The following EXOC4 variants were observed in gnomAD, a reference collection of about 807,000 sequenced individuals.
EXOC4 encodes SEC8-like 1.
EXOC4 carries 71 observed loss-of-function variants against 107.2 expected under a neutral mutation model. That is an observed-to-expected ratio of 0.66 (90% CI 0.55 to 0.81). The LOEUF is 0.81. Among genes scored for constraint, EXOC4 ranks in the 30% least tolerant of loss-of-function variants. The probability of loss-of-function intolerance (pLI) is 0.00; values close to 1 mark genes in which losing one functional copy is unlikely to be tolerated. For synonymous variants in EXOC4, 456 were observed against 441.2 expected (o/e 1.03, Z -0.42); for missense variants, 1,108 against 1,189.6 (o/e 0.93, Z 1.01).
intron 4 of EXOC4, among the ~76,000 whole-genome samples, 156 bp from the exon 5 acceptor site, chr7:133,317,128 T>C (rs1012006070): frequency 5.9e-5 from 9 of 152,112 alleles, no homozygotes; most frequent in African/African-American, 2.2e-4. Context: ...ATTGGAAATA[T>C]ACTGGGGAGA....
intron 7 of EXOC4, among the ~76,000 whole-genome samples, chr7:133,384,468 G>A (rs1056816020): frequency 2.0e-5 from 3 of 152,094 alleles, no homozygotes; most frequent in African/African-American, 4.8e-5. Context: ...TGCTGCTACC[G>A]CTCCTTTAAG....
chr7:133,806,489 A>G (rs985064097), intron 10 of EXOC4, among the ~76,000 whole-genome samples: 3 of 152,212 alleles, frequency 2.0e-5, no homozygotes, highest in African/African-American at 4.8e-5. Flanking sequence ...TTTTAGAGAA[A>G]TAATTCAGTC....
rs543786108 is a variant in EXOC4 at position 133,419,751 on chromosome 7, G to A, written c.1182+44749G>A. Reference sequence around the variant, plus strand: ...CAGATCCCAGGCCCCAATCCAAACCGACTCTTATTATTTTCCTATGGCTGC... The same window carrying A: ...CAGATCCCAGGCCCCAATCCAAACCAACTCTTATTATTTTCCTATGGCTGC... On this transcript the variant is annotated intron_variant, in intron 7 of 17. Transcript: ENST00000253861. Among the ~76,000 whole-genome samples the A allele has an allele frequency of 7.8e-4, 119 of 152,196 alleles. 1 individual carries two copies. Among genetic ancestry groups the A allele is most frequent in the African/African-American group, 2.7e-3 (114 of 41,536 alleles).
At chr7:133,643,220 C>T (rs762435177) in intron 10 of EXOC4, among the ~76,000 whole-genome samples, 4 of 152,148 alleles carry the variant, frequency 2.6e-5, no homozygotes, top group African/African-American at 4.8e-5. Context: ...CAAGAAGAGC[C>T]AGTCCAAGTT....
intron 10 of EXOC4, among the ~76,000 whole-genome samples, chr7:133,754,678 G>A (rs1795862293): frequency 6.6e-6 from 1 of 152,194 alleles, no homozygotes; most frequent in Non-Finnish European, 1.5e-5. Flanking sequence ...TATGAGCTAT[G>A]CATATGTACT....
chr7:133,924,086 A>G (rs1181991463), intron 13 of EXOC4, among the ~76,000 whole-genome samples: 1 of 152,106 alleles, frequency 6.6e-6, no homozygotes, highest in Admixed American at 6.5e-5. Flanking sequence ...CTTAGGATAA[A>G]GGTCAGGCCA....
intron 9 of EXOC4, among the ~76,000 whole-genome samples, chr7:133,524,811 G>A: frequency 6.6e-6 from 1 of 152,006 alleles, no homozygotes; most frequent in East Asian, 1.9e-4. Flanking sequence ...CTCTGTTTTG[G>A]TACCAGCACC....
chr7:133,847,750 C>G (rs1158942866), intron 11 of EXOC4, among the ~76,000 whole-genome samples: 1 of 151,628 alleles, frequency 6.6e-6, no homozygotes, highest in Non-Finnish European at 1.5e-5. Flanking sequence ...CTCTTGTCGC[C>G]CAGGTTGAAG....
At chr7:133,471,709 G>A (rs1197269783) in intron 7 of EXOC4, among the ~76,000 whole-genome samples, 1 of 151,868 alleles carries the variant, frequency 6.6e-6, no homozygotes, top group Non-Finnish European at 1.5e-5. Context: ...GCTTCTTTAT[G>A]CTTTTTTTAA....
At chr7:133,931,625 G>A (rs895725467) in intron 13 of EXOC4, among the ~76,000 whole-genome samples, 4 of 152,128 alleles carry the variant, frequency 2.6e-5, no homozygotes, top group Admixed American at 1.3e-4. Context: ...TCTCATACAC[G>A]TTATATAGAG....
chr7:133,568,792 G>T (rs1332902699), intron 9 of EXOC4, among the ~76,000 whole-genome samples: 2 of 152,046 alleles, frequency 1.3e-5, no homozygotes, highest in African/African-American at 4.8e-5. Flanking sequence ...GGAAAGAACA[G>T]GACTCAGAAT....
intron 5 of EXOC4, among the ~76,000 whole-genome samples, chr7:133,336,901 T>G (rs952006515): frequency 1.3e-5 from 2 of 151,652 alleles, no homozygotes; most frequent in East Asian, 3.9e-4. Flanking sequence ...GCCTAGCTAA[T>G]TTTTGTGTTT....
chr7:133,651,416 T>C (rs1405821625), intron 10 of EXOC4, among the ~76,000 whole-genome samples: 1 of 152,212 alleles, frequency 6.6e-6, no homozygotes, highest in Non-Finnish European at 1.5e-5. Flanking sequence ...CTGTATTTGT[T>C]TTGAATTGAA....
At chr7:133,872,438 A>G (rs2116401326) in intron 11 of EXOC4, among the ~76,000 whole-genome samples, 1 of 152,266 alleles carries the variant, frequency 6.6e-6, no homozygotes, top group East Asian at 1.9e-4. Flanking sequence ...CAAAAACGCA[A>G]GCCGGGAGCT....
At chr7:134,092,783 T>A in the EXOC4 span, among the ~76,000 whole-genome samples, 1 of 151,314 alleles carries the variant, frequency 6.6e-6, no homozygotes, top group Admixed American at 6.6e-5. Context: ...ATTAGCCAGG[T>A]GTGGTGGTAC....
At chr7:133,672,563 G>A (rs1351439257) in intron 10 of EXOC4, among the ~76,000 whole-genome samples, 1 of 152,130 alleles carries the variant, frequency 6.6e-6, no homozygotes, top group African/African-American at 2.4e-5. Context: ...TTGTAAGGTT[G>A]TGAGACTGGA....
intron 10 of EXOC4, chr7:133,771,213 TG>T (rs1796237250): frequency 6.6e-6 from 1 of 152,032 alleles, no homozygotes; most frequent in Admixed American, 6.6e-5. Flanking sequence ...AGGCCTCCCA[TG>T]TCACAGGAGA....
chr7:133,692,456 GC>G (rs1794442734), intron 10 of EXOC4, among the ~76,000 whole-genome samples: 2 of 152,070 alleles, frequency 1.3e-5, no homozygotes, highest in African/African-American at 4.8e-5. Flanking sequence ...ACCACCTCCT[GC>G]CCTGGGACAC....
chr7:133,451,269 G>A (rs993872840), intron 7 of EXOC4, among the ~76,000 whole-genome samples: 1 of 151,476 alleles, frequency 6.6e-6, no homozygotes, highest in East Asian at 1.9e-4. Context: ...GAGTGGGTAC[G>A]TGGGAGAGAT....
Sources: allele counts gnomAD v4.1 joint callset (sites outside exome capture counted in the v4.1 genomes callset), GRCh38; gene constraint gnomAD v4.1.1; transcripts MANE v1.5; gene names NCBI Gene and HGNC (gene_info 2026-07-23, HGNC 2026-07-21).